The following NHERF2 variants were observed in gnomAD, a reference collection of about 807,000 sequenced individuals.
NHERF2 encodes the protein NHERF family PDZ scaffold protein 2, also known as Na(+)/H(+) exchange regulatory cofactor NHE-RF2.
the NHERF2 span, chr16:2,027,140 C>T: frequency 2.7e-6 from 4 of 1,474,410 alleles, no homozygotes; most frequent in Non-Finnish European, 2.7e-6. Context: ...GTTCCCCCGC[C>T]GAGGCCGCCG....
the NHERF2 span, chr16:2,037,037 T>C: frequency 6.5e-7 from 1 of 1,545,680 alleles, no homozygotes; most frequent in South Asian, 1.2e-5. Flanking sequence ...AGGGTGCCTC[T>C]GGGGGTACCC....
chr16:2,038,225 G>C, the NHERF2 span: 11 of 484,156 alleles, frequency 2.3e-5, no homozygotes, highest in East Asian at 1.1e-4. Context: ...CAGAGACAGA[G>C]AGAGAGAGAG....
chr16:2,030,522 G>A, the NHERF2 span, among the ~76,000 whole-genome samples: 1 of 152,176 alleles, frequency 6.6e-6, no homozygotes, highest in African/African-American at 2.4e-5. Context: ...GGGAGGGGCG[G>A]CCTGGCAGGC....
the NHERF2 span, among the ~76,000 whole-genome samples, chr16:2,030,619 T>A: frequency 8.5e-5 from 9 of 105,762 alleles, no homozygotes; most frequent in Admixed American, 5.0e-4. Flanking sequence ...CTCTCCTACC[T>A]TTTTTTTTTT....
chr16:2,029,039 A>G, the NHERF2 span, among the ~76,000 whole-genome samples: 1 of 152,034 alleles, frequency 6.6e-6, no homozygotes, highest in African/African-American at 2.4e-5. Context: ...CATGGCCTGG[A>G]GGTAGATATA....
chr16:2,037,000 T>C, the NHERF2 span: 29 of 1,549,806 alleles, frequency 1.9e-5, no homozygotes, highest in Non-Finnish European at 6.1e-6. Flanking sequence ...CCTGCCCAGG[T>C]AAGAGGGTGG....
the NHERF2 span, among the ~76,000 whole-genome samples, chr16:2,031,205 C>T: frequency 4.6e-5 from 7 of 152,182 alleles, no homozygotes; most frequent in Admixed American, 1.3e-4. Context: ...CAGGCCTGCC[C>T]GTGGGACCTG....
chr16:2,036,313 T>C, the NHERF2 span: 2 of 1,600,430 alleles, frequency 1.2e-6, no homozygotes, highest in Non-Finnish European at 1.7e-6. Context: ...CCCTGTCCGT[T>C]GGGCCTGCAG....
chr16:2,032,328 G>GA, the NHERF2 span, among the ~76,000 whole-genome samples: 3 of 152,350 alleles, frequency 2.0e-5, no homozygotes, highest in Admixed American at 2.0e-4. The surrounding 1 kb of genome is among the most constrained non-coding windows in gnomAD (Gnocchi z 4.0). Flanking sequence ...CTCAGGACCT[G>GA]AGGTTTCTTC....
the NHERF2 span, chr16:2,036,466 C>T: frequency 1.9e-6 from 3 of 1,601,460 alleles, no homozygotes; most frequent in African/African-American, 1.3e-5. Flanking sequence ...TCACCTGCCG[C>T]CCGCTCTGGC....
At chr16:2,037,762 G>A in the NHERF2 span, 2 of 1,550,004 alleles carry the variant, frequency 1.3e-6, no homozygotes, top group East Asian at 2.4e-5. Context: ...CCTAGGAGGG[G>A]CCACCGTCTG....
the NHERF2 span, chr16:2,037,079 A>T: frequency 4.0e-6 from 6 of 1,491,340 alleles, no homozygotes; most frequent in Non-Finnish European, 5.5e-6. Context: ...CTCCCTGGAG[A>T]TCCGTCCTCG....
At chr16:2,038,253 C>T in the NHERF2 span, 1 of 579,868 alleles carries the variant, frequency 1.7e-6, no homozygotes, top group Non-Finnish European at 3.1e-6. Context: ...CAGAGAGAGA[C>T]AGAGAGAGAG....
chr16:2,029,642 A>G, the NHERF2 span: 1 of 1,576,136 alleles, frequency 6.3e-7, no homozygotes, highest in Non-Finnish European at 8.6e-7. Context: ...GGACCAGGAG[A>G]CAGATGAGGA....
the NHERF2 span, chr16:2,037,396 G>C: frequency 3.7e-6 from 3 of 804,392 alleles, no homozygotes; most frequent in African/African-American, 5.1e-5. Context: ...CTGCCCCGCC[G>C]CATCTGGAGT....
chr16:2,030,745 G>T, the NHERF2 span, among the ~76,000 whole-genome samples: 2 of 151,632 alleles, frequency 1.3e-5, no homozygotes, highest in East Asian at 3.9e-4. Context: ...TTTGAGACCA[G>T]CTTGACTAAT....
At chr16:2,027,368 C>G in the NHERF2 span, 3 of 368,634 alleles carry the variant, frequency 8.1e-6, no homozygotes, top group Non-Finnish European at 1.4e-5. Flanking sequence ...TTCGGAGTCC[C>G]GGCGCAGGAA....
the NHERF2 span, chr16:2,035,616 C>G: frequency 6.1e-6 from 6 of 986,382 alleles, no homozygotes; most frequent in African/African-American, 1.7e-5. Flanking sequence ...GGCCCACCCC[C>G]TGGCTGGGAG....
At chr16:2,033,508 C>T in the NHERF2 span, 15 of 1,413,572 alleles carry the variant, frequency 1.1e-5, no homozygotes, top group East Asian at 3.8e-4. Context: ...AAGGAGGGGA[C>T]TCCGGGACCT....
Sources: gnomAD v4.1 joint callset for allele counts (sites outside exome capture counted in the v4.1 genomes callset) on GRCh38, gnomAD v4.1.1 for gene constraint, Gnocchi (gnomAD v3.1) non-coding constraint, MANE v1.5 for transcripts, NCBI Gene and HGNC (gene_info 2026-07-23, HGNC 2026-07-21) for gene names.